Variants in PJA2 observed in about 807,000 individuals in gnomAD.
The protein encoded by PJA2 is praja ring finger ubiquitin ligase 2.
Under a neutral mutation model 69.3 loss-of-function variants are expected in PJA2, and 25 were observed. The ratio of observed to expected loss-of-function variants is 0.36; its 90% CI spans 0.26 to 0.50. The LOEUF is 0.50. Ranked by LOEUF, PJA2 falls within the 20% of genes least tolerant of loss-of-function variation. The pLI, the probability that PJA2 is intolerant of heterozygous loss-of-function variation, is 0.96. For missense variants in PJA2, 809 were observed against 830.2 expected (o/e 0.97, Z 0.31); for synonymous variants, 308 against 277.8 (o/e 1.11, Z -1.08).
At chr5:109,403,862 G>T (rs143670437) in intron 1 of PJA2, among the ~76,000 whole-genome samples, 2 of 151,616 alleles carry the variant, frequency 1.3e-5, no homozygotes, top group African/African-American at 4.8e-5. Flanking sequence ...ACGAGGTGAG[G>T]AGTTCAAGAC....
In PJA2 at chr5:109,378,643, A is replaced by C. The variant is rs1746957560; in HGVS notation, c.844T>G (p.Ser282Ala). 4 of 1,614,006 alleles carry C rather than the reference A, an allele frequency of 2.5e-6. No homozygotes were observed. In the South Asian group the frequency reaches 3.3e-5, roughly 13 times the overall value. ...NTSQERQTEHSPEDAACGPGH... is the reference protein window; with the variant it reads ...NTSQERQTEHAPEDAACGPGH... ...GGACCACAGGCTGCATCTTCAGGTG[A>C]ATGTTCTGTCTGTCTTTCCTGGCTA... Residue 282 changes from serine (S) to alanine (A), a missense_variant, in exon 4 of 10, where the codon TCA becomes GCA. Ser to Ala is a moderately conservative substitution (Grantham distance 99). Transcript: ENST00000361189.
chr5:109,339,396 C>T (rs556008078), intron 9 of PJA2, among the ~76,000 whole-genome samples: 1 of 152,078 alleles, frequency 6.6e-6, no homozygotes, highest in South Asian at 2.1e-4. Context: ...CACTACATAA[C>T]CTATGCATGT....
rs887765817 is a variant in PJA2 at position 109,353,123 on chromosome 5, C to T, written c.1764+2792G>A. On this transcript the variant is annotated intron_variant, in intron 7 of 9. Coordinates refer to ENST00000361189, the MANE Select transcript of PJA2 (RefSeq NM_014819.5). ...ATTAGATACCTATATCTATAGACAT[C>T]TATATATTAGATACCTATATCTAGA... Among the ~76,000 whole-genome samples, 9 of 143,110 alleles carry T rather than the reference C, an allele frequency of 6.3e-5. No homozygotes were observed. In the East Asian group the frequency reaches 1.2e-3, roughly 20 times the overall value. The allele number at this position is 143,110 out of a possible 152,430, so 93.9% of individuals were successfully genotyped here. A position where few individuals can be genotyped will look rare whatever the true frequency, so the allele number is the denominator to read the frequency against.
intron 1 of PJA2, among the ~76,000 whole-genome samples, chr5:109,396,762 G>GA (rs57999992): frequency 9.0e-4 from 79 of 87,848 alleles, no homozygotes; most frequent in East Asian, 4.1e-3. Flanking sequence ...ACCAAAAAAA[G>GA]AAAAAAAAAA....
chr5:109,342,454 G>A (rs1762088000), intron 9 of PJA2, among the ~76,000 whole-genome samples: 2 of 131,146 alleles, frequency 1.5e-5, no homozygotes, highest in East Asian at 2.4e-4. Flanking sequence ...CCGGCCAGCC[G>A]CCCCGTCCGG....
intron 1 of PJA2, among the ~76,000 whole-genome samples, chr5:109,401,962 G>A (rs780149446): frequency 1.1e-4 from 16 of 152,148 alleles, no homozygotes; most frequent in Non-Finnish European, 2.4e-4. Context: ...CAAAAGATAA[G>A]GAGAAATTGT....
rs982856315 is a variant in PJA2, at chr5:109,355,978, T to C, written c.1701A>G (p.Ser567=). ...ADGLGVAEAI[S]YVDPQFLTYM... is the part of the protein sequence containing the mutation. ...AGGTAAGGAACTGAGGATCCACATATGAAATAGCTTCAGCAACTCCTAGTC... is the reference window on the plus strand; with the variant it reads ...AGGTAAGGAACTGAGGATCCACATACGAAATAGCTTCAGCAACTCCTAGTC... The change falls in exon 7 of 10, where the codon TCA becomes TCG. Residue 567 remains serine (S), a synonymous_variant. Transcript: ENST00000361189. 10 of 1,613,146 alleles carry C rather than the reference T, an allele frequency of 6.2e-6. No homozygotes were observed. Among genetic ancestry groups the C allele is most frequent in the African/African-American group, 2.7e-5 (2 of 74,604 alleles).
rs142804447 is a variant in PJA2 at position 109,392,064 on chromosome 5, A to G, written c.-87-8544T>C. Among the ~76,000 whole-genome samples, 351 of 152,320 alleles carry G rather than the reference A, an allele frequency of 2.3e-3. 2 individuals are homozygous for G. The highest frequency in any genetic ancestry group is 7.7e-3 in the African/African-American group (321 of 41,578). ...AATGTAATCCTAATAAAATCCCAGC[A>G]GGCATTTTTTTGGGGGAAAATTGAC... is the stretch of plus-strand genomic sequence containing the variant. On this transcript the variant is annotated intron_variant, in intron 1 of 9. Coordinates refer to ENST00000361189, the MANE Select transcript of PJA2 (RefSeq NM_014819.5).
At chr5:109,354,765 T>C (rs1050769532) in intron 7 of PJA2, among the ~76,000 whole-genome samples, 1 of 147,530 alleles carries the variant, frequency 6.8e-6, no homozygotes, top group African/African-American at 2.5e-5. Context: ...TATATAAATA[T>C]ATTATTAAAT....
intron 2 of PJA2, 104 bp from the exon 3 acceptor site, chr5:109,381,807 C>T (rs1347741299): frequency 1.1e-6 from 1 of 905,860 alleles, no homozygotes; most frequent in East Asian, 2.6e-5. Flanking sequence ...TTTATCAAAT[C>T]ATATGCTTCT....
At chr5:109,388,772 T>C (rs1747218723) in intron 1 of PJA2, among the ~76,000 whole-genome samples, 1 of 152,222 alleles carries the variant, frequency 6.6e-6, no homozygotes, top group African/African-American at 2.4e-5. Flanking sequence ...TTCTCTCATA[T>C]TTATATTTAC....
At chr5:109,364,420 G>C (rs1762551203) in intron 5 of PJA2, among the ~76,000 whole-genome samples, 3 of 151,560 alleles carry the variant, frequency 2.0e-5, no homozygotes, top group Admixed American at 6.6e-5. Flanking sequence ...TCAGGAGATC[G>C]AGACCATCCC....
intron 9 of PJA2, among the ~76,000 whole-genome samples, chr5:109,340,681 C>T (rs1443531851): frequency 8.3e-5 from 3 of 35,952 alleles, no homozygotes; most frequent in African/African-American, 2.3e-4. Context: ...CCTCTCCCCA[C>T]GGTCTCCCTC....
chr5:109,389,904 A>ATT lies in PJA2; in HGVS notation c.-87-6386_-87-6385dup, dbSNP rs56405345. Among the ~76,000 whole-genome samples the ATT allele has an allele frequency of 7.3e-3, 1,046 of 143,530 alleles. 11 individuals are homozygous for ATT. The highest frequency in any genetic ancestry group is 0.025 in the African/African-American group (981 of 39,602). 94.2% of individuals were successfully genotyped at this position (143,530 alleles called of 152,430 possible). ...CTTAATTTCCAAATATTTGCAGTCT[A>ATT]TTTTTTTTTTTTTGTTATTGGGTTG... On this transcript the variant is annotated intron_variant, in intron 1 of 9. Transcript: ENST00000361189.
chr5:109,352,859 C>CT (rs1461954503), intron 7 of PJA2, among the ~76,000 whole-genome samples: 1 of 149,924 alleles, frequency 6.7e-6, no homozygotes, highest in African/African-American at 2.4e-5. Flanking sequence ...TCTACAATAT[C>CT]ATAGACATCT....
intron 9 of PJA2, among the ~76,000 whole-genome samples, chr5:109,340,631 C>CT (rs1561338584): frequency 0.32 from 1,630 of 5,136 alleles, 657 homozygotes; most frequent in Middle Eastern, 1. Flanking sequence ...TCCCCCTCCC[C>CT]CTCCCCCTCC....
Position 109,366,846 on chromosome 5 carries a change from A to G in PJA2, c.1469+1715T>C, listed in dbSNP as rs376066503. Among the ~76,000 whole-genome samples, 81 of 152,262 alleles carry G rather than the reference A, an allele frequency of 5.3e-4. No individual in the cohort carries two copies. The South Asian group carries it at 0.017, about 31-fold the overall frequency. ...ATTAAAGGCAATCAAATATAAAATC[A>G]TGAGGCCAGGCGTGCTGGCTCATGC... On this transcript the variant is annotated intron_variant, in intron 5 of 9. Transcript: ENST00000361189.
chr5:109,360,774 T>C (rs1386920667), intron 6 of PJA2, among the ~76,000 whole-genome samples: 3 of 152,114 alleles, frequency 2.0e-5, no homozygotes, highest in Non-Finnish European at 1.5e-5. Flanking sequence ...AACAGCCATA[T>C]CTAGAAAGAT....
At chr5:109,368,446 C>G (rs1189897629) in intron 5 of PJA2, 115 bp downstream of exon 5, 2 of 831,010 alleles carry the variant, frequency 2.4e-6, no homozygotes, top group African/African-American at 3.5e-5. Flanking sequence ...TCAGGGGGGC[C>G]TACTGGTTCT....
Sources: gnomAD v4.1 joint callset for allele counts (sites outside exome capture counted in the v4.1 genomes callset) on GRCh38, gnomAD v4.1.1 for gene constraint, MANE v1.5 for transcripts, NCBI Gene and HGNC (gene_info 2026-07-23, HGNC 2026-07-21) for gene names.